SUMF1: variants seen among roughly 807,000 people sequenced by gnomAD.
The protein encoded by SUMF1 is formylglycine-generating enzyme.
Under a neutral mutation model 47.6 loss-of-function variants are expected in SUMF1, and 48 were observed. The ratio of observed to expected loss-of-function variants is 1.01; its 90% CI spans 0.80 to 1.28. The LOEUF is 1.28. Ranked by LOEUF, SUMF1 falls within the 50% of genes most tolerant of loss-of-function variation. The pLI is 0.00. For missense variants in SUMF1, 571 were observed against 485.4 expected (o/e 1.18, Z -1.66); for synonymous variants, 230 against 192.1 (o/e 1.20, Z -1.63).
intron 8 of SUMF1, among the ~76,000 whole-genome samples, chr3:4,215,734 T>G (rs552448104): frequency 6.6e-6 from 1 of 152,218 alleles, no homozygotes; most frequent in African/African-American, 2.4e-5. Flanking sequence ...ATCACAAGCA[T>G]TCCTATACAC....
Position 4,361,680 on chromosome 3 carries a change from TCTC to T in SUMF1, c.*461_*463del. ...AGCTAAAAAATAATCTATAATAAAT[TCTC>T]ACTATGAAGTCACAATAGAATCTGA... On this transcript the variant is annotated 3_prime_UTR_variant, in exon 9 of 9. Coordinates refer to ENST00000272902, the MANE Select transcript of SUMF1 (RefSeq NM_182760.4). 5.7e-6 allele frequency: 1 copy of T among 176,880 alleles called. No individual in the cohort carries two copies. The highest frequency in any genetic ancestry group is 1.5e-4 in the East Asian group (1 of 6,830). The allele number at this position is 176,880 out of a possible 1,614,324, so 11.0% of individuals were successfully genotyped here. A position where few individuals can be genotyped will look rare whatever the true frequency, so the allele number is the denominator to read the frequency against.
intron 8 of SUMF1, among the ~76,000 whole-genome samples, chr3:4,157,783 T>C (rs1286846341): frequency 6.6e-6 from 1 of 151,616 alleles, no homozygotes; most frequent in Non-Finnish European, 1.5e-5. Flanking sequence ...CTATTAGTAA[T>C]TACTTTTATT....
chr3:4,124,698 G>A (rs1405186009), intron 8 of SUMF1, among the ~76,000 whole-genome samples: 1 of 151,750 alleles, frequency 6.6e-6, no homozygotes. Context: ...AATTATCTTT[G>A]GCTTTCATGA....
chr3:4,337,008 C>T (rs1699166325), intron 8 of SUMF1, among the ~76,000 whole-genome samples: 2 of 152,196 alleles, frequency 1.3e-5, no homozygotes, highest in African/African-American at 4.8e-5. Context: ...ACTCTACATG[C>T]TCTTACCCTT....
chr3:4,347,609 T>C (rs1459557313), intron 8 of SUMF1, among the ~76,000 whole-genome samples: 1 of 152,228 alleles, frequency 6.6e-6, no homozygotes, highest in Non-Finnish European at 1.5e-5. Flanking sequence ...AGCATTCCCT[T>C]TGAAAACCAG....
At chr3:4,212,965 G>C (rs1223588264) in intron 8 of SUMF1, among the ~76,000 whole-genome samples, 1 of 152,258 alleles carries the variant, frequency 6.6e-6, no homozygotes, top group South Asian at 2.1e-4. Context: ...CAGGGAGAAT[G>C]GAACCAAGTT....
chr3:4,268,491 ATG>A (rs925345811), intron 8 of SUMF1, among the ~76,000 whole-genome samples: 1 of 149,482 alleles, frequency 6.7e-6, no homozygotes, highest in Non-Finnish European at 1.5e-5. Context: ...GTAAAATAAA[ATG>A]TTTTTCTTTT....
chr3:4,369,510 T>C (rs1206493038), intron 8 of SUMF1, among the ~76,000 whole-genome samples: 1 of 152,184 alleles, frequency 6.6e-6, no homozygotes, highest in Non-Finnish European at 1.5e-5. Context: ...CAGCCAAGCA[T>C]GTGTAGCAAA....
At chr3:4,265,151 A>G (rs1164192537) in intron 8 of SUMF1, among the ~76,000 whole-genome samples, 1 of 151,668 alleles carries the variant, frequency 6.6e-6, no homozygotes, top group Non-Finnish European at 1.5e-5. Context: ...AAAAAAAAAA[A>G]AAAAAAAAGA....
intron 8 of SUMF1, among the ~76,000 whole-genome samples, chr3:4,122,681 C>G (rs564758637): frequency 6.6e-6 from 1 of 152,246 alleles, no homozygotes; most frequent in African/African-American, 2.4e-5. Context: ...AAGATCTCAA[C>G]CCATTCTGTC....
At chr3:4,406,470 A>G (rs1460548152) in intron 7 of SUMF1, among the ~76,000 whole-genome samples, 1 of 152,138 alleles carries the variant, frequency 6.6e-6, no homozygotes, top group Non-Finnish European at 1.5e-5. Flanking sequence ...AGCCTAGCCA[A>G]CATGGTAAAG....
At chr3:4,097,638 G>A (rs201436601) in intron 8 of SUMF1, among the ~76,000 whole-genome samples, 4 of 152,092 alleles carry the variant, frequency 2.6e-5, no homozygotes, top group South Asian at 2.1e-4. Flanking sequence ...CAACGCATGT[G>A]TTCTTCCTTT....
At chr3:4,229,941 A>G (rs1696261473) in intron 8 of SUMF1, among the ~76,000 whole-genome samples, 1 of 152,088 alleles carries the variant, frequency 6.6e-6, no homozygotes, top group South Asian at 2.1e-4. Context: ...TGAGCCCAGG[A>G]GTTTAACACT....
chr3:4,177,877 G>C (rs1273831318), intron 8 of SUMF1, among the ~76,000 whole-genome samples: 2 of 152,138 alleles, frequency 1.3e-5, no homozygotes, highest in East Asian at 3.9e-4. Context: ...CAATCCCACA[G>C]AAATACAATC....
intron 8 of SUMF1, among the ~76,000 whole-genome samples, chr3:4,136,459 C>G (rs1320723668): frequency 3.9e-5 from 6 of 151,944 alleles, no homozygotes. Flanking sequence ...ACACCTTATA[C>G]AAAAATTAAT....
At chr3:4,230,035 AAAAG>A (rs1259708348) in intron 8 of SUMF1, among the ~76,000 whole-genome samples, 1 of 152,110 alleles carries the variant, frequency 6.6e-6, no homozygotes, top group African/African-American at 2.4e-5. Context: ...AAAGAAAAGA[AAAAG>A]AAACTTCATT....
At chr3:4,112,963 T>G (rs934022236) in intron 8 of SUMF1, among the ~76,000 whole-genome samples, 8 of 152,138 alleles carry the variant, frequency 5.3e-5, no homozygotes, top group African/African-American at 1.4e-4. Flanking sequence ...ATTTCTAAAG[T>G]ATGTGGCAGG....
intron 8 of SUMF1, among the ~76,000 whole-genome samples, chr3:4,176,369 G>A (rs1415292953): frequency 6.6e-6 from 1 of 152,188 alleles, no homozygotes; most frequent in African/African-American, 2.4e-5. Context: ...CTAGAAGAGA[G>A]TGGGGGCCAA....
At chr3:4,182,494 C>A (rs775165003) in intron 8 of SUMF1, among the ~76,000 whole-genome samples, 1 of 151,528 alleles carries the variant, frequency 6.6e-6, no homozygotes, top group Non-Finnish European at 1.5e-5. Context: ...TTGTATTCAG[C>A]GGGTAAAACG....
Sources: gnomAD v4.1 joint callset for allele counts (sites outside exome capture counted in the v4.1 genomes callset) on GRCh38, gnomAD v4.1.1 for gene constraint, MANE v1.5 for transcripts, NCBI Gene and HGNC (gene_info 2026-07-23, HGNC 2026-07-21) for gene names.